Variants in SORCS2 observed in about 807,000 individuals in gnomAD.
The protein encoded by SORCS2 is sortilin related VPS10 domain containing receptor 2, also known as VPS10 domain-containing receptor SorCS2.
In SORCS2, 100 loss-of-function variants were observed where a neutral mutation model predicts 141.6. That is an observed-to-expected ratio of 0.71 (90% CI 0.60 to 0.83). The LOEUF is 0.83. SORCS2 is among the 40% of genes least tolerant of loss of function. The pLI, the probability that SORCS2 is intolerant of heterozygous loss-of-function variation, is 0.00. For missense variants in SORCS2, 1,646 were observed against 1,560.2 expected (o/e 1.05, Z -0.93); for synonymous variants, 789 against 676.9 (o/e 1.17, Z -2.57).
chr4:7,613,642 T>TATCTCCCACACTGG (rs1718567508), intron 3 of SORCS2, among the ~76,000 whole-genome samples: 1 of 152,120 alleles, frequency 6.6e-6, no homozygotes, highest in African/African-American at 2.4e-5. Context: ...CTTGTGGAGA[T>TATCTCCCACACTGG]ATCTCCCACA....
intron 1 of SORCS2, among the ~76,000 whole-genome samples, chr4:7,269,917 T>C (rs1715001948): frequency 6.6e-6 from 1 of 152,272 alleles, no homozygotes; most frequent in Non-Finnish European, 1.5e-5. Context: ...TCTCACTTTG[T>C]CACCCAGGCT....
At position 7,709,765 on chromosome 4, in the gene SORCS2, C is replaced by T. The variant is rs139280399; in HGVS notation, c.1869-2968C>T. Among the ~76,000 whole-genome samples, 232 of 152,290 alleles carry T rather than the reference C, an allele frequency of 1.5e-3. 2 individuals are homozygous for T. The highest frequency in any genetic ancestry group is 5.3e-3 in the African/African-American group (221 of 41,546). Reference sequence around the variant, plus strand: ...CCACCTCTAACCTGGCCAGAGGCAACTTTTGGGACACTTTCCTGGCACCAG... The same window carrying T: ...CCACCTCTAACCTGGCCAGAGGCAATTTTTGGGACACTTTCCTGGCACCAG... On this transcript the variant is annotated intron_variant, in intron 14 of 26. Coordinates refer to ENST00000507866, the MANE Select transcript of SORCS2 (RefSeq NM_020777.3).
At chr4:7,410,414 C>A (rs1248890884) in intron 2 of SORCS2, among the ~76,000 whole-genome samples, 6 of 152,188 alleles carry the variant, frequency 3.9e-5, no homozygotes, top group Non-Finnish European at 5.9e-5. Flanking sequence ...CATAGACAGG[C>A]CTTCGTTTCA....
At chr4:7,677,189 C>T (rs977423723) in intron 9 of SORCS2, among the ~76,000 whole-genome samples, 2 of 152,204 alleles carry the variant, frequency 1.3e-5, no homozygotes, top group Admixed American at 1.3e-4. Context: ...TGGGAGCCTT[C>T]CTCGCTGCCC....
At chr4:7,247,637 G>A (rs904341217) in intron 1 of SORCS2, among the ~76,000 whole-genome samples, 1 of 152,208 alleles carries the variant, frequency 6.6e-6, no homozygotes, top group African/African-American at 2.4e-5. Flanking sequence ...GAGGGGCAGC[G>A]CTTTTTGTTT....
At chr4:7,315,224 G>T (rs1718481894) in intron 1 of SORCS2, among the ~76,000 whole-genome samples, 1 of 152,208 alleles carries the variant, frequency 6.6e-6, no homozygotes, top group South Asian at 2.1e-4. Context: ...AGCCTCTGCA[G>T]CCCCTGGTTG....
At chr4:7,707,506 A>C (rs1291000728) in intron 14 of SORCS2, among the ~76,000 whole-genome samples, 2 of 152,230 alleles carry the variant, frequency 1.3e-5, no homozygotes, top group Non-Finnish European at 1.5e-5. Context: ...TGAGCGGGTC[A>C]GCAACAGCGC....
intron 1 of SORCS2, among the ~76,000 whole-genome samples, chr4:7,249,707 A>T (rs535043644): frequency 1.6e-4 from 25 of 152,304 alleles, no homozygotes; most frequent in African/African-American, 5.8e-4. Context: ...TAACTTGCTC[A>T]AGCCCTCGCA....
At chr4:7,476,621 T>C (rs1730309770) in intron 2 of SORCS2, among the ~76,000 whole-genome samples, 1 of 152,114 alleles carries the variant, frequency 6.6e-6, no homozygotes, top group Non-Finnish European at 1.5e-5. Flanking sequence ...AAAAGCCAAG[T>C]AGAAAATGCC....
chr4:7,481,530 G>C (rs1560320167), intron 2 of SORCS2, among the ~76,000 whole-genome samples: 1 of 152,200 alleles, frequency 6.6e-6, no homozygotes, highest in African/African-American at 2.4e-5. Flanking sequence ...TGGAGAGTTT[G>C]GAGAGGTCGG....
intron 18 of SORCS2, among the ~76,000 whole-genome samples, 175 bp from the exon 19 acceptor site, chr4:7,723,522 G>A (rs1324253589): frequency 6.6e-6 from 1 of 152,208 alleles, no homozygotes; most frequent in African/African-American, 2.4e-5. Context: ...ACTCCAGGAA[G>A]AATCTCCAGG....
Position 7,222,258 on chromosome 4 carries a change from G to A in SORCS2, c.480+29132G>A, listed in dbSNP as rs114231092. ...AACCCAAATGTCCAGCAACAGACAC[G>A]GATGAACAAAATGTGGCCCATCCAC... is the stretch of plus-strand genomic sequence containing the variant. On this transcript the variant is annotated intron_variant, in intron 1 of 26. Coordinates refer to ENST00000507866, the MANE Select transcript of SORCS2 (RefSeq NM_020777.3). 6.4e-3 allele frequency among the ~76,000 whole-genome samples: 970 copies of A among 152,250 alleles called. 8 individuals carry two copies. The highest frequency in any genetic ancestry group is 0.022 in the African/African-American group (916 of 41,540).
intron 2 of SORCS2, among the ~76,000 whole-genome samples, chr4:7,398,698 G>A (rs1413559741): frequency 6.6e-6 from 1 of 152,128 alleles, no homozygotes; most frequent in Non-Finnish European, 1.5e-5. Context: ...TTTAAAATAT[G>A]TTTCTAGTTT....
chr4:7,208,668 G>C (rs1727884216), intron 1 of SORCS2, among the ~76,000 whole-genome samples: 1 of 152,194 alleles, frequency 6.6e-6, no homozygotes, highest in African/African-American at 2.4e-5. Context: ...CTCTGGTTGT[G>C]TCTCCCTCAG....
intron 1 of SORCS2, among the ~76,000 whole-genome samples, chr4:7,196,626 C>A (rs1727181775): frequency 1.4e-5 from 2 of 146,520 alleles, no homozygotes; most frequent in African/African-American, 2.5e-5. Context: ...CCCTTCCCCT[C>A]CCCTCCCCCT....
chr4:7,678,087 C>T (rs1022520813), intron 9 of SORCS2, among the ~76,000 whole-genome samples: 1 of 152,204 alleles, frequency 6.6e-6, no homozygotes, highest in Non-Finnish European at 1.5e-5. Context: ...GGGTACAACA[C>T]GCACCATTCA....
Position 7,654,288 on chromosome 4 carries a change from C to T in SORCS2, c.887+81C>T, listed in dbSNP as rs917462886. The stretch of plus-strand genomic sequence containing the variant: ...TTCCCCCAAACCCTTGGGAGCCCAT[C>T]CCTGCAGCTCCCTTTCCTCCTCTGG... On this transcript the variant is annotated intron_variant, in intron 5 of 26. Coordinates refer to ENST00000507866, the MANE Select transcript of SORCS2 (RefSeq NM_020777.3). The T allele has an allele frequency of 2.0e-5, 27 of 1,373,408 alleles. No homozygotes were observed. The East Asian group carries it at 4.5e-4, about 23-fold the overall frequency. 85.1% of individuals were successfully genotyped at this position (1,373,408 alleles called of 1,614,324 possible). A position where few individuals can be genotyped will look rare whatever the true frequency, so the allele number is the denominator to read the frequency against.
intron 10 of SORCS2, among the ~76,000 whole-genome samples, chr4:7,684,811 C>A (rs1402699960): frequency 6.6e-6 from 1 of 152,108 alleles, no homozygotes. Flanking sequence ...AATGGTGAGC[C>A]CCCTCCCCAC....
chr4:7,199,664 C>T (rs1727377973), intron 1 of SORCS2, among the ~76,000 whole-genome samples: 1 of 151,336 alleles, frequency 6.6e-6, no homozygotes, highest in African/African-American at 2.4e-5. Flanking sequence ...ACCCGCTTCC[C>T]TGGCCTGGGT....
Sources: allele counts gnomAD v4.1 joint callset (sites outside exome capture counted in the v4.1 genomes callset), GRCh38; gene constraint gnomAD v4.1.1; transcripts MANE v1.5; gene names NCBI Gene and HGNC (gene_info 2026-07-23, HGNC 2026-07-21).